The following ULK4 variants were observed in gnomAD, a reference collection of about 807,000 sequenced individuals.
ULK4 encodes unc-51 like kinase 4, also known as inactive serine/threonine-protein kinase ULK4.
In ULK4, 133 loss-of-function variants were observed where a neutral mutation model predicts 160.6. The observed-to-expected ratio is 0.83, with a 90% CI of 0.72 to 0.96. The LOEUF is 0.96. ULK4 is among the 40% of genes least tolerant of loss of function. ULK4 has a pLI of 0.00. For synonymous variants in ULK4, 534 were observed against 539.8 expected (o/e 0.99, Z 0.15); for missense variants, 1,580 against 1,499.5 (o/e 1.05, Z -0.89).
chr3:41,941,354 A>AC (rs1699948974), intron 2 of ULK4, among the ~76,000 whole-genome samples: 1 of 150,930 alleles, frequency 6.6e-6, no homozygotes, highest in Admixed American at 6.6e-5. Flanking sequence ...AAAAAAAAAA[A>AC]ACCTTTTTTT....
chr3:41,561,374 A>G (rs1692001), intron 32 of ULK4, among the ~76,000 whole-genome samples: 65,925 of 152,018 alleles, frequency 0.43, 15,419 homozygotes, highest in Middle Eastern at 0.55. Context: ...TGATGCTAGC[A>G]TCATACAATG....
intron 31 of ULK4, among the ~76,000 whole-genome samples, chr3:41,593,388 C>A (rs1430892863): frequency 1.3e-5 from 2 of 148,736 alleles, no homozygotes; most frequent in Admixed American, 6.9e-5. Flanking sequence ...TCACCATATA[C>A]CCTACACACA....
At chr3:41,646,397 A>G (rs985112224) in intron 30 of ULK4, among the ~76,000 whole-genome samples, 21 of 152,206 alleles carry the variant, frequency 1.4e-4, no homozygotes, top group Non-Finnish European at 2.5e-4. Flanking sequence ...GGTGGTGACA[A>G]AACCTGTCAG....
intron 27 of ULK4, among the ~76,000 whole-genome samples, chr3:41,689,800 G>A (rs2036224682): frequency 6.6e-6 from 1 of 151,848 alleles, no homozygotes; most frequent in Non-Finnish European, 1.5e-5. Context: ...AACAGGTGCT[G>A]GAGAGGAGGT....
At chr3:41,870,890 T>C (rs543110363) in intron 17 of ULK4, among the ~76,000 whole-genome samples, 1 of 152,278 alleles carries the variant, frequency 6.6e-6, no homozygotes, top group Admixed American at 6.5e-5. Flanking sequence ...AATCCCCACA[T>C]GTCAAGGGTG....
At chr3:41,374,326 C>G (rs1319838766) in intron 35 of ULK4, among the ~76,000 whole-genome samples, 1 of 152,100 alleles carries the variant, frequency 6.6e-6, no homozygotes, top group Non-Finnish European at 1.5e-5. Context: ...CCGGCAGAGA[C>G]ACAACAAAAA....
chr3:41,650,788 A>G (rs753156174), intron 30 of ULK4, among the ~76,000 whole-genome samples: 24 of 152,204 alleles, frequency 1.6e-4, no homozygotes, highest in Non-Finnish European at 3.1e-4. Flanking sequence ...CACCCTAAGG[A>G]TCCTGTGACA....
chr3:41,765,232 A>G (rs1043046623), intron 21 of ULK4, among the ~76,000 whole-genome samples: 5 of 152,220 alleles, frequency 3.3e-5, no homozygotes, highest in African/African-American at 1.2e-4. Flanking sequence ...ACAGCCATAA[A>G]AAATGATGAG....
intron 17 of ULK4, among the ~76,000 whole-genome samples, chr3:41,866,192 C>T (rs1029138092): frequency 2.6e-5 from 4 of 152,228 alleles, no homozygotes; most frequent in Admixed American, 6.5e-5. Context: ...TCATCTACCA[C>T]CACATGCAAG....
intron 33 of ULK4, among the ~76,000 whole-genome samples, chr3:41,457,714 G>A (rs2083587453): frequency 6.6e-6 from 1 of 152,144 alleles, no homozygotes; most frequent in South Asian, 2.1e-4. Context: ...CCCTTTGTGT[G>A]CATCTTGTAC....
At chr3:41,939,520 C>T (rs1261009877) in intron 2 of ULK4, among the ~76,000 whole-genome samples, 14 of 150,448 alleles carry the variant, frequency 9.3e-5, no homozygotes, top group Non-Finnish European at 2.1e-4. Context: ...TTCATTTTTC[C>T]CTATTGTCCA....
chr3:41,448,966 A>G (rs897328154), intron 34 of ULK4, among the ~76,000 whole-genome samples: 6 of 151,938 alleles, frequency 3.9e-5, no homozygotes, highest in African/African-American at 1.5e-4. Flanking sequence ...GCTCACTGCA[A>G]CCTCCGCCTC....
At chr3:41,532,060 T>G (rs2086339351) in intron 32 of ULK4, among the ~76,000 whole-genome samples, 1 of 152,130 alleles carries the variant, frequency 6.6e-6, no homozygotes, top group Admixed American at 6.5e-5. Flanking sequence ...GACAGACAGG[T>G]AGACAGTCAC....
intron 32 of ULK4, among the ~76,000 whole-genome samples, chr3:41,542,910 T>G (rs1436107766): frequency 6.6e-6 from 1 of 152,100 alleles, no homozygotes; most frequent in East Asian, 1.9e-4. Flanking sequence ...CTTTTCAGCA[T>G]GCAAAGAGGT....
At chr3:41,895,476 A>AATT (rs761515701) in intron 16 of ULK4, 42 bp downstream of exon 16, 120 of 1,104,412 alleles carry the variant, frequency 1.1e-4, no homozygotes, top group Non-Finnish European at 1.4e-4. Flanking sequence ...ACTACTTAAT[A>AATT]AAGTCATGAA....
At chr3:41,805,387 A>T (rs2040609047) in intron 19 of ULK4, among the ~76,000 whole-genome samples, 2 of 152,232 alleles carry the variant, frequency 1.3e-5, no homozygotes, top group Non-Finnish European at 2.9e-5. Context: ...TTTTGGGCTG[A>T]GACAATGGGG....
intron 31 of ULK4, among the ~76,000 whole-genome samples, chr3:41,585,290 T>C (rs187558788): frequency 1.9e-4 from 29 of 152,234 alleles, no homozygotes; most frequent in African/African-American, 4.6e-4. Flanking sequence ...ACAACAGTAA[T>C]CAAGACAGTA....
At chr3:41,751,419 C>T (rs1309929889) in intron 22 of ULK4, among the ~76,000 whole-genome samples, 1 of 152,158 alleles carries the variant, frequency 6.6e-6, no homozygotes, top group Non-Finnish European at 1.5e-5. Flanking sequence ...ACCATCTCTG[C>T]CACACAGTGC....
chr3:41,896,420 A>G (rs1353059634), intron 15 of ULK4, among the ~76,000 whole-genome samples: 2 of 152,000 alleles, frequency 1.3e-5, no homozygotes, highest in Non-Finnish European at 2.9e-5. Flanking sequence ...ACACCCAGCT[A>G]ATTTTGTACT....
Sources: allele counts gnomAD v4.1 joint callset (sites outside exome capture counted in the v4.1 genomes callset), GRCh38; gene constraint gnomAD v4.1.1; transcripts MANE v1.5; gene names NCBI Gene and HGNC (gene_info 2026-07-23, HGNC 2026-07-21).